The following STAU2 variants were observed in gnomAD, a reference collection of about 807,000 sequenced individuals.
The protein encoded by STAU2 is staufen double-stranded RNA binding protein 2, also known as double-stranded RNA-binding protein Staufen homolog 2.
STAU2 carries 20 observed loss-of-function variants against 65.9 expected under a neutral mutation model. The ratio of observed to expected loss-of-function variants is 0.30; its 90% CI spans 0.21 to 0.44. STAU2 has a LOEUF of 0.44. STAU2 is among the 20% of genes least tolerant of loss of function. The pLI is 1.00. For synonymous variants in STAU2, 232 were observed against 233.9 expected (o/e 0.99, Z 0.07); for missense variants, 558 against 683.9 (o/e 0.82, Z 2.05).
chr8:73,552,257 T>C lies in STAU2; in HGVS notation c.1285A>G (p.Lys429Glu), dbSNP rs772346067. ...VYQEMEASRH[K>E]VISGTTLGYL... ...CCTAGAGTAGTGCCAGAGATTACTT[T>C]GTGGCGGCTGGCTTCCATCTCTTGA... The change falls in exon 13 of 15, where the codon AAA becomes GAA. Residue 429 changes from lysine to glutamate, a missense_variant. By Grantham distance (56) the Lys-to-Glu change is moderately conservative (BLOSUM62 1). This residue lies in a region of STAU2 where 247 missense variants were observed against 270.1 expected (regional missense o/e 0.91). Transcript: ENST00000524300. 9 of 1,613,836 alleles carry C rather than the reference T, an allele frequency of 5.6e-6. No individual in the cohort carries two copies. Among genetic ancestry groups the C allele is most frequent in the Non-Finnish European group, 7.6e-6 (9 of 1,179,818 alleles).
intron 3 of STAU2, among the ~76,000 whole-genome samples, chr8:73,737,449 G>C (rs1036474617): frequency 6.6e-6 from 1 of 152,164 alleles, no homozygotes; most frequent in Non-Finnish European, 1.5e-5. Context: ...GGGATTACAG[G>C]TGTGAGCCAC....
At chr8:73,485,443 C>T (rs1368493924) in intron 13 of STAU2, among the ~76,000 whole-genome samples, 1 of 151,942 alleles carries the variant, frequency 6.6e-6, no homozygotes, top group African/African-American at 2.4e-5. Context: ...ACCAAGTGGC[C>T]TCGTGAGAAA....
chr8:73,745,826 C>G lies in STAU2; in HGVS notation c.-197+957G>C, dbSNP rs993750883. Among the ~76,000 whole-genome samples, 4 of 152,242 alleles carry G rather than the reference C, an allele frequency of 2.6e-5. No individual in the cohort carries two copies. In the South Asian group the frequency reaches 8.3e-4, roughly 32 times the overall value. ...GAAAATTATTCACAAATGCAAAATT[C>G]TACACACATTTCCAAAGACTTCCAG... On this transcript the variant is annotated intron_variant, in intron 1 of 14. Coordinates refer to ENST00000524300, the MANE Select transcript of STAU2 (RefSeq NM_001164380.2).
intron 6 of STAU2, among the ~76,000 whole-genome samples, chr8:73,631,213 G>A (rs1025787662): frequency 7.2e-5 from 11 of 152,014 alleles, no homozygotes; most frequent in African/African-American, 2.7e-4. Context: ...AAATTATCTG[G>A]GCATGGTGGT....
intron 6 of STAU2, among the ~76,000 whole-genome samples, chr8:73,667,247 G>C (rs902829266): frequency 6.6e-6 from 1 of 151,856 alleles, no homozygotes. Flanking sequence ...TCAAGTTTTA[G>C]GAATATTGCC....
intron 13 of STAU2, among the ~76,000 whole-genome samples, chr8:73,531,179 A>G (rs1320871289): frequency 6.6e-6 from 1 of 152,184 alleles, no homozygotes; most frequent in Non-Finnish European, 1.5e-5. Flanking sequence ...ATCAGTGTAC[A>G]CTGTCCCTCC....
intron 4 of STAU2, among the ~76,000 whole-genome samples, chr8:73,704,433 A>G (rs1038329958): frequency 2.0e-5 from 3 of 152,232 alleles, no homozygotes; most frequent in African/African-American, 7.2e-5. Flanking sequence ...GATACAGACC[A>G]TGTATTACAT....
At chr8:73,570,826 C>G (rs62510319) in intron 12 of STAU2, among the ~76,000 whole-genome samples, 1 of 152,160 alleles carries the variant, frequency 6.6e-6, no homozygotes, top group Non-Finnish European at 1.5e-5. Flanking sequence ...ATTTTCAACC[C>G]AGAATTTCAT....
chr8:73,721,170 G>T (rs1821637817), intron 3 of STAU2, among the ~76,000 whole-genome samples: 1 of 145,820 alleles, frequency 6.9e-6, no homozygotes, highest in Admixed American at 6.9e-5. Context: ...CACATTTATA[G>T]TCCTAGATAC....
intron 6 of STAU2, among the ~76,000 whole-genome samples, chr8:73,641,643 T>C (rs1814977926): frequency 6.6e-6 from 1 of 152,230 alleles, no homozygotes; most frequent in Non-Finnish European, 1.5e-5. Context: ...AGAAGATTTA[T>C]AATGTACTTA....
chr8:73,565,078 C>A (rs192836817), intron 12 of STAU2, among the ~76,000 whole-genome samples: 3 of 152,292 alleles, frequency 2.0e-5, no homozygotes, highest in Admixed American at 2.0e-4. Flanking sequence ...TGAATGTATA[C>A]AAATGAATGT....
At chr8:73,466,282 T>C (rs1240163439) in intron 13 of STAU2, among the ~76,000 whole-genome samples, 1 of 152,190 alleles carries the variant, frequency 6.6e-6, no homozygotes, top group South Asian at 2.1e-4. Flanking sequence ...ATTTTCAGGT[T>C]CTATTCATTT....
chr8:73,525,815 G>A (rs1241326636), intron 13 of STAU2, among the ~76,000 whole-genome samples: 1 of 152,172 alleles, frequency 6.6e-6, no homozygotes, highest in Non-Finnish European at 1.5e-5. Flanking sequence ...TAGATATAAA[G>A]TTAGCTACAC....
chr8:73,679,589 TAGA>T (rs1309693938), intron 5 of STAU2, among the ~76,000 whole-genome samples: 1 of 151,936 alleles, frequency 6.6e-6, no homozygotes, highest in East Asian at 1.9e-4. Flanking sequence ...AATATAAAAG[TAGA>T]AGAAGCAGGC....
chr8:73,494,546 C>G (rs1293932558), intron 13 of STAU2, among the ~76,000 whole-genome samples: 1 of 151,498 alleles, frequency 6.6e-6, no homozygotes. Context: ...TTTAACTTCT[C>G]CTAAAACATA....
intron 6 of STAU2, among the ~76,000 whole-genome samples, chr8:73,666,622 A>G (rs1817263675): frequency 6.6e-6 from 1 of 152,222 alleles, no homozygotes; most frequent in South Asian, 2.1e-4. Context: ...ACCTAGCTAT[A>G]AGAGATTGGG....
intron 4 of STAU2, among the ~76,000 whole-genome samples, chr8:73,693,276 A>G (rs1819476848): frequency 6.6e-6 from 1 of 152,162 alleles, no homozygotes; most frequent in Non-Finnish European, 1.5e-5. Flanking sequence ...GATCGAGACC[A>G]TCTTGGCTAA....
intron 13 of STAU2, among the ~76,000 whole-genome samples, chr8:73,467,599 G>A (rs904726480): frequency 1.3e-5 from 2 of 152,172 alleles, no homozygotes; most frequent in African/African-American, 4.8e-5. Flanking sequence ...GGTGGGGTGG[G>A]AAAGATATCA....
At chr8:73,483,281 T>G (rs973220861) in intron 13 of STAU2, among the ~76,000 whole-genome samples, 3 of 152,074 alleles carry the variant, frequency 2.0e-5, no homozygotes, top group African/African-American at 7.2e-5. Flanking sequence ...CCACAAGAAC[T>G]TAAAGAAATC....
Sources: gnomAD v4.1 joint callset for allele counts (sites outside exome capture counted in the v4.1 genomes callset) on GRCh38, gnomAD v4.1.1 for gene constraint, gnomAD v4.1.1 regional missense constraint, MANE v1.5 for transcripts, NCBI Gene and HGNC (gene_info 2026-07-23, HGNC 2026-07-21) for gene names.